Variants in NRXN3 observed in about 807,000 individuals in gnomAD.
The protein encoded by NRXN3 is neurexin III.
In NRXN3, 32 loss-of-function variants were observed where a neutral mutation model predicts 137.6. The ratio of observed to expected loss-of-function variants is 0.23; its 90% CI spans 0.18 to 0.31. The LOEUF (loss-of-function observed/expected upper bound fraction) is 0.31, where lower values mean the gene tolerates loss of function less well. Among genes scored for constraint, NRXN3 ranks in the 10% least tolerant of loss-of-function variants. The pLI is 1.00. For missense variants in NRXN3, 1,574 were observed against 2,062.5 expected (o/e 0.76, Z 4.59); for synonymous variants, 798 against 784.5 (o/e 1.02, Z -0.29).
At chr14:79,164,482 A>G (rs1009964424) in intron 15 of NRXN3, among the ~76,000 whole-genome samples, 2 of 151,974 alleles carry the variant, frequency 1.3e-5, no homozygotes, top group African/African-American at 4.8e-5. Flanking sequence ...CTTTGGTAAA[A>G]GCTATGGACT....
chr14:78,700,317 G>C (rs2098266795), intron 6 of NRXN3, among the ~76,000 whole-genome samples: 1 of 152,286 alleles, frequency 6.6e-6, no homozygotes, highest in Non-Finnish European at 1.5e-5. Flanking sequence ...TCAATTTCTG[G>C]CTCTCAGTGA....
chr14:78,906,897 A>G (rs2099218862), intron 10 of NRXN3, among the ~76,000 whole-genome samples: 1 of 151,964 alleles, frequency 6.6e-6, no homozygotes, highest in African/African-American at 2.4e-5. Context: ...GGCTTTGTTA[A>G]CTGTGACTTG....
chr14:78,817,606 C>A (rs2098937759), intron 10 of NRXN3, among the ~76,000 whole-genome samples: 1 of 152,152 alleles, frequency 6.6e-6, no homozygotes, highest in Non-Finnish European at 1.5e-5. Flanking sequence ...GGGCTTCATG[C>A]TGCTTCCACT....
chr14:78,842,574 A>G (rs1054246274), intron 10 of NRXN3, among the ~76,000 whole-genome samples: 2 of 152,152 alleles, frequency 1.3e-5, no homozygotes, highest in East Asian at 3.9e-4. Context: ...TGTCATTGAT[A>G]ACATCTTATC....
At chr14:79,142,338 A>G (rs1425136823) in intron 15 of NRXN3, among the ~76,000 whole-genome samples, 1 of 151,864 alleles carries the variant, frequency 6.6e-6, no homozygotes, top group African/African-American at 2.4e-5. Context: ...AGGCAGGAGA[A>G]TTGCTTGAAC....
At chr14:79,436,341 C>G (rs1028417858) in intron 15 of NRXN3, among the ~76,000 whole-genome samples, 14 of 152,072 alleles carry the variant, frequency 9.2e-5, no homozygotes, top group Non-Finnish European at 1.9e-4. Context: ...CTTTTCCTTT[C>G]CTCTCTGGTG....
At chr14:79,709,461 C>A (rs1299339378) in intron 19 of NRXN3, among the ~76,000 whole-genome samples, 1 of 152,100 alleles carries the variant, frequency 6.6e-6, no homozygotes, top group East Asian at 1.9e-4. Context: ...TTACTGCATA[C>A]CCCCAAGGCA....
intron 4 of NRXN3, among the ~76,000 whole-genome samples, chr14:78,470,856 G>A (rs1490574045): frequency 6.6e-6 from 1 of 152,152 alleles, no homozygotes; most frequent in African/African-American, 2.4e-5. Flanking sequence ...GACCAGGTAA[G>A]TGTTAACATA....
At chr14:78,664,923 A>T (rs1333973375) in intron 6 of NRXN3, among the ~76,000 whole-genome samples, 1 of 152,226 alleles carries the variant, frequency 6.6e-6, no homozygotes, top group Non-Finnish European at 1.5e-5. Flanking sequence ...TTATTGTTCC[A>T]AAGTTCCAAT....
intron 2 of NRXN3, among the ~76,000 whole-genome samples, chr14:78,249,651 C>G (rs1269668918): frequency 2.0e-5 from 3 of 152,116 alleles, no homozygotes; most frequent in Non-Finnish European, 4.4e-5. Context: ...AGTGCCCTTC[C>G]TTACACAAAA....
At chr14:79,472,754 C>T (rs911180950) in intron 16 of NRXN3, among the ~76,000 whole-genome samples, 2 of 152,020 alleles carry the variant, frequency 1.3e-5, no homozygotes, top group East Asian at 1.9e-4. Context: ...CTTTAAGGAG[C>T]GGTGTCATGT....
intron 15 of NRXN3, among the ~76,000 whole-genome samples, chr14:79,060,655 G>A (rs557311781): frequency 1.4e-4 from 21 of 152,170 alleles, no homozygotes; most frequent in African/African-American, 3.9e-4. Flanking sequence ...TTGAGTTCTC[G>A]CTCAAAAACA....
intron 8 of NRXN3, among the ~76,000 whole-genome samples, chr14:78,743,928 A>G (rs74524207): frequency 1.2e-3 from 189 of 152,300 alleles, no homozygotes; most frequent in East Asian, 9.7e-3. Context: ...AGAGAAAGCT[A>G]TTGCAGTCAA....
At chr14:79,504,460 T>G (rs964079983) in intron 16 of NRXN3, among the ~76,000 whole-genome samples, 1 of 151,556 alleles carries the variant, frequency 6.6e-6, no homozygotes, top group African/African-American at 2.4e-5. Context: ...AGTTATAAAC[T>G]TACGTCTTCC....
chr14:78,677,769 C>T (rs1433420364), intron 6 of NRXN3, among the ~76,000 whole-genome samples: 3 of 152,076 alleles, frequency 2.0e-5, no homozygotes, highest in Non-Finnish European at 4.4e-5. Context: ...TGGCAAACTT[C>T]GTTGTTGTTT....
At chr14:79,661,682 T>A (rs570005331) in intron 16 of NRXN3, 5 of 152,152 alleles carry the variant, frequency 3.3e-5, no homozygotes, top group African/African-American at 1.2e-4. Context: ...TTAGAAAAAC[T>A]CTTTTCTATA....
chr14:79,208,500 T>G (rs886877659), intron 15 of NRXN3, among the ~76,000 whole-genome samples: 3 of 152,194 alleles, frequency 2.0e-5, no homozygotes, highest in Non-Finnish European at 4.4e-5. Context: ...ATTTCTTCAT[T>G]GCAATGCCTC....
chr14:79,483,390 T>C (rs746847435), intron 16 of NRXN3, among the ~76,000 whole-genome samples: 4 of 152,216 alleles, frequency 2.6e-5, no homozygotes, highest in African/African-American at 7.2e-5. Flanking sequence ...TTTCCATGAA[T>C]TGCTTCTTTG....
chr14:78,981,257 A>T (rs1248242743), intron 14 of NRXN3, among the ~76,000 whole-genome samples: 1 of 152,212 alleles, frequency 6.6e-6, no homozygotes, highest in Non-Finnish European at 1.5e-5. Flanking sequence ...ACAAAAACAA[A>T]TCCTTACATC....
Sources: gnomAD v4.1 joint callset for allele counts (sites outside exome capture counted in the v4.1 genomes callset) on GRCh38, gnomAD v4.1.1 for gene constraint, MANE v1.5 for transcripts, NCBI Gene and HGNC (gene_info 2026-07-23, HGNC 2026-07-21) for gene names.